The following ICE2 variants were observed in gnomAD, a reference collection of about 807,000 sequenced individuals.
ICE2 encodes little elongation complex subunit 2.
A neutral mutation model predicts 105.4 loss-of-function variants in ICE2; 87 were observed. The ratio of observed to expected loss-of-function variants is 0.83; its 90% CI spans 0.69 to 0.99. ICE2 has a LOEUF of 0.99. ICE2 is among the 50% of genes least tolerant of loss of function. The probability of loss-of-function intolerance (pLI) is 0.00; values close to 1 mark genes in which losing one functional copy is unlikely to be tolerated. For synonymous variants in ICE2, 399 were observed against 392.0 expected, an observed-to-expected ratio of 1.02 and a Z score of -0.21; for missense variants, 1,323 against 1,146.7, an observed-to-expected ratio of 1.15 and a Z score of -2.22.
At chr15:60,472,008 T>C (rs1244079160) in intron 3 of ICE2, among the ~76,000 whole-genome samples, 1 of 152,124 alleles carries the variant, frequency 6.6e-6, no homozygotes, top group Non-Finnish European at 1.5e-5. Context: ...CCCCGCTTGT[T>C]TGCTTAAAAC....
rs772577938 is a variant in ICE2 at position 60,449,615 on chromosome 15, G to C, written c.1352C>G (p.Ala451Gly). The C allele has an allele frequency of 6.2e-7, 1 of 1,614,118 alleles. No individual in the cohort carries two copies. Among genetic ancestry groups the C allele is most frequent in the East Asian group, 2.2e-5 (1 of 44,880 alleles). Residue 451 changes from alanine to glycine, a missense_variant, in exon 10 of 16, where the codon GCT (alanine) becomes GGT (glycine). Physicochemically the swap from Ala to Gly is moderately conservative, Grantham distance 60. Transcript: ENST00000261520. The stretch of plus-strand genomic sequence containing the variant: ...AATCTGAGATAAACTTCTAGAATTA[G>C]CAGAAATGTCTGGTGCACTTGGTGC... ...TVAPSAPDISANSRSLSQILM... is the reference protein window; with the variant it reads ...TVAPSAPDISGNSRSLSQILM...
intron 2 of ICE2, 106 bp downstream of exon 2, chr15:60,477,831 T>A (rs2064808640): frequency 9.8e-7 from 1 of 1,024,310 alleles, no homozygotes; most frequent in African/African-American, 1.6e-5. Flanking sequence ...AAACTTGTAT[T>A]TTCTGTTTCC....
chr15:60,478,674 G>C (rs1349075793), intron 1 of ICE2: 1 of 333,450 alleles, frequency 3.0e-6, no homozygotes, highest in East Asian at 9.1e-5. Context: ...ATCAAATTTA[G>C]GAGTCGGTCT....
At chr15:60,456,568 T>TAG (rs1435627582) in intron 6 of ICE2, 89 bp downstream of exon 6, 1 of 74,138 alleles carries the variant, frequency 1.3e-5, no homozygotes, top group Non-Finnish European at 3.0e-5. Context: ...AATAAATAAA[T>TAG]ATATATATAT....
Position 60,453,690 on chromosome 15 carries a change from T to C in ICE2, c.1038A>G (p.Pro346=), listed in dbSNP as rs139112731. ...TGTTTTTGGACATCATAAATTTTAA[T>C]GGAACTTCATGAAAGATTTGATTTC... ...RERNQIFHEV[P]LKFMMSKNTS... The change falls in exon 9 of 16, where the codon CCA becomes CCG. Residue 346 remains proline (P), a synonymous_variant. Transcript: ENST00000261520. The C allele has an allele frequency of 3.1e-6, 5 of 1,612,958 alleles. No homozygotes were observed. The African/African-American group carries it at 6.7e-5, about 22-fold the overall frequency.
In ICE2 at chr15:60,456,550, AAT is replaced by A. The variant is rs1555412814; in HGVS notation, c.666+105_666+106del. The A allele has an allele frequency of 8.8e-5, 6 of 67,866 alleles. 1 individual carries two copies. The South Asian group carries it at 2.5e-3, about 28-fold the overall frequency. The allele number at this position is 67,866 out of a possible 1,614,324, so 4.2% of individuals were successfully genotyped here. The stretch of plus-strand genomic sequence containing the variant: ...GAGAGACTCTGTCTCCAAAAAAAAA[AAT>A]AAATAAATAAATAAATATATATATA... On this transcript the variant is annotated intron_variant, in intron 6 of 15. Transcript: ENST00000261520.
At chr15:60,460,610 C>T (rs1489301403) in intron 5 of ICE2, among the ~76,000 whole-genome samples, 4 of 152,178 alleles carry the variant, frequency 2.6e-5, no homozygotes, top group African/African-American at 7.2e-5. Context: ...GCATTACTGA[C>T]GTTTTGGACC....
intron 15 of ICE2, 105 bp downstream of exon 15, chr15:60,428,324 T>C: frequency 8.2e-7 from 1 of 1,216,980 alleles, no homozygotes. Context: ...AATGGTGCTG[T>C]GATTAATATG....
At chr15:60,466,764 A>G (rs777239899) in intron 4 of ICE2, 51 bp from the exon 5 acceptor site, 2 of 1,424,000 alleles carry the variant, frequency 1.4e-6, no homozygotes, top group Non-Finnish European at 1.9e-6. Context: ...TTCATTAAAA[A>G]GAATCACATT....
At position 60,479,092 on chromosome 15, in the gene ICE2, A is replaced by G. The variant is rs1567021239; in HGVS notation, c.-182T>C. ...CTCACATTGTCGCGCGCGCCCAAAA[A>G]AGACCATATTTAAAGGATGTGGCCG... On this transcript the variant is annotated 5_prime_UTR_variant, in exon 1 of 16. Coordinates refer to ENST00000261520, the MANE Select transcript of ICE2 (RefSeq NM_024611.6). The G allele has an allele frequency of 2.2e-6, 1 of 446,050 alleles. No individual in the cohort carries two copies. The highest frequency in any genetic ancestry group is 4.6e-6 in the Non-Finnish European group (1 of 219,732). The allele number at this position is 446,050 out of a possible 1,614,324, so 27.6% of individuals were successfully genotyped here.
intron 3 of ICE2, among the ~76,000 whole-genome samples, chr15:60,473,757 T>G (rs538279866): frequency 6.7e-6 from 1 of 150,276 alleles, no homozygotes; most frequent in Non-Finnish European, 1.5e-5. Flanking sequence ...GAATAACAAA[T>G]AGTTTTTAAA....
chr15:60,475,958 C>T, intron 3 of ICE2, 105 bp downstream of exon 3: 1 of 718,184 alleles, frequency 1.4e-6, no homozygotes. Context: ...TTACTTTAAA[C>T]ATTTCTATAA....
intron 11 of ICE2, 186 bp from the exon 12 acceptor site, chr15:60,442,731 T>C (rs2063745304): frequency 2.2e-6 from 1 of 454,356 alleles, no homozygotes; most frequent in Non-Finnish European, 3.9e-6. Flanking sequence ...GAATGTTTGG[T>C]GCCAAAAGGT....
chr15:60,441,404 G>A (rs540627687), intron 12 of ICE2: 1 of 152,120 alleles, frequency 6.6e-6, no homozygotes, highest in Non-Finnish European at 1.5e-5. Flanking sequence ...ACCTTTCTTT[G>A]ATTAAGAAAC....
At position 60,455,309 on chromosome 15, in the gene ICE2, G is replaced by A. The variant is rs116427328; in HGVS notation, c.783+17C>T. 1,897 of 1,577,262 alleles carry A rather than the reference G, an allele frequency of 1.2e-3. 18 individuals are homozygous for A. The African/African-American group carries it at 0.023, about 19-fold the overall frequency. On this transcript the variant is annotated intron_variant, in intron 7 of 15. Transcript: ENST00000261520. ...AAAAGATTATTTAGGAAGATCCAAT[G>A]TTGCCTTGGTACTTACATAATGCAT...
intron 2 of ICE2, among the ~76,000 whole-genome samples, chr15:60,477,065 C>T (rs553813850): frequency 6.6e-5 from 10 of 152,194 alleles, no homozygotes; most frequent in Non-Finnish European, 1.2e-4. Flanking sequence ...AGCATATTTG[C>T]TCCATACTCT....
intron 5 of ICE2, among the ~76,000 whole-genome samples, chr15:60,465,076 T>C (rs1202415535): frequency 6.6e-5 from 10 of 152,242 alleles, no homozygotes; most frequent in Non-Finnish European, 1.2e-4. Flanking sequence ...TAGAAAATTA[T>C]GACATTCCCT....
rs753191503 is a variant in ICE2 at position 60,449,871 on chromosome 15, T to C, written c.1126-30A>G. 6 of 1,547,664 alleles carry C rather than the reference T, an allele frequency of 3.9e-6. No homozygotes were observed. The African/African-American group carries it at 5.5e-5, about 14-fold the overall frequency. On this transcript the variant is annotated intron_variant, in intron 9 of 15. Coordinates refer to ENST00000261520, the MANE Select transcript of ICE2 (RefSeq NM_024611.6). ...TGTAAATAAATTGGTAAAGTATTAGTAAAAATTTCAAGCCACCCTACCTAT... is the reference window on the plus strand; with the variant it reads ...TGTAAATAAATTGGTAAAGTATTAGCAAAAATTTCAAGCCACCCTACCTAT...
chr15:60,437,194 G>A (rs2063612948), intron 12 of ICE2, among the ~76,000 whole-genome samples: 1 of 151,882 alleles, frequency 6.6e-6, no homozygotes, highest in Admixed American at 6.6e-5. Flanking sequence ...GATGGAGGTT[G>A]CAGTGAGCCG....
Sources: gnomAD v4.1 joint callset for allele counts (sites outside exome capture counted in the v4.1 genomes callset) on GRCh38, gnomAD v4.1.1 for gene constraint, MANE v1.5 for transcripts, NCBI Gene and HGNC (gene_info 2026-07-23, HGNC 2026-07-21) for gene names.